The following CNTNAP2 variants were observed in gnomAD, a reference collection of about 807,000 sequenced individuals.
CNTNAP2 encodes the protein contactin-associated protein-like 2.
A neutral mutation model predicts 155.2 loss-of-function variants in CNTNAP2; 98 were observed. The ratio of observed to expected loss-of-function variants is 0.63; its 90% CI spans 0.54 to 0.75. The LOEUF is 0.75. Ranked by LOEUF, CNTNAP2 falls within the 30% of genes least tolerant of loss-of-function variation. CNTNAP2 has a pLI of 0.00. For synonymous variants in CNTNAP2, 651 were observed against 631.2 expected (o/e 1.03, Z -0.47); for missense variants, 1,727 against 1,688.1 (o/e 1.02, Z -0.40).
At chr7:147,841,503 A>G (rs1038752995) in intron 13 of CNTNAP2, among the ~76,000 whole-genome samples, 1 of 152,208 alleles carries the variant, frequency 6.6e-6, no homozygotes, top group Admixed American at 6.5e-5. Context: ...TGCAAAGGCA[A>G]TTAACAATTT....
chr7:147,713,276 G>T (rs574185705), intron 13 of CNTNAP2, among the ~76,000 whole-genome samples: 1 of 152,038 alleles, frequency 6.6e-6, no homozygotes, highest in South Asian at 2.1e-4. Context: ...ACAATTAAGG[G>T]ATAGAACAGT....
At chr7:147,115,661 T>C (rs1000514364) in intron 5 of CNTNAP2, among the ~76,000 whole-genome samples, 14 of 152,142 alleles carry the variant, frequency 9.2e-5, no homozygotes, top group African/African-American at 1.9e-4. Flanking sequence ...AGCTCTAACA[T>C]GTCAATTATA....
intron 8 of CNTNAP2, among the ~76,000 whole-genome samples, chr7:147,136,636 A>G (rs1801486341): frequency 6.6e-6 from 1 of 151,966 alleles, no homozygotes; most frequent in African/African-American, 2.4e-5. Context: ...GGCAGTGTCT[A>G]TTCTAAGCAA....
chr7:147,363,763 G>A (rs1268066275), intron 9 of CNTNAP2, among the ~76,000 whole-genome samples: 1 of 152,004 alleles, frequency 6.6e-6, no homozygotes, highest in Non-Finnish European at 1.5e-5. Context: ...TACAAAAAAA[G>A]TAATTATGCC....
chr7:147,731,611 G>A (rs961753539), intron 13 of CNTNAP2, among the ~76,000 whole-genome samples: 5 of 152,068 alleles, frequency 3.3e-5, no homozygotes, highest in Non-Finnish European at 5.9e-5. Flanking sequence ...CTAACACAAC[G>A]TCTATTCTGA....
At chr7:147,255,820 C>T (rs1020706276) in intron 8 of CNTNAP2, among the ~76,000 whole-genome samples, 4 of 152,124 alleles carry the variant, frequency 2.6e-5, no homozygotes, top group Non-Finnish European at 5.9e-5. Context: ...TCACTGCAAC[C>T]TCTGCTTTCT....
chr7:146,367,808 G>T (rs1240031862), intron 1 of CNTNAP2, among the ~76,000 whole-genome samples: 1 of 151,928 alleles, frequency 6.6e-6, no homozygotes, highest in Non-Finnish European at 1.5e-5. Context: ...TATGCATCTA[G>T]ATGACTATTT....
chr7:148,124,674 G>T (rs1260000295), intron 16 of CNTNAP2, among the ~76,000 whole-genome samples: 1 of 152,138 alleles, frequency 6.6e-6, no homozygotes, highest in African/African-American at 2.4e-5. Context: ...GCTTTTGTAG[G>T]TTATTAACTT....
chr7:148,029,969 A>T lies in CNTNAP2; in HGVS notation c.2383+51980A>T, dbSNP rs529091703. ...TTTAAAATTATTTTTACATCCTAGA[A>T]TCAATGTCTTCTTAATATCATACTC... On this transcript the variant is annotated intron_variant, in intron 15 of 23. Coordinates refer to ENST00000361727, the MANE Select transcript of CNTNAP2 (RefSeq NM_014141.6). 4.6e-5 allele frequency among the ~76,000 whole-genome samples: 7 copies of T among 152,346 alleles called. No homozygotes were observed. The East Asian group carries it at 7.7e-4, about 17-fold the overall frequency.
intron 4 of CNTNAP2, among the ~76,000 whole-genome samples, chr7:147,063,501 C>A (rs1387866912): frequency 1.3e-5 from 2 of 152,038 alleles, no homozygotes; most frequent in Non-Finnish European, 2.9e-5. Context: ...TAACAGCAAT[C>A]TCAGTTTTTT....
At chr7:148,413,884 GATT>G (rs1799912832) in intron 23 of CNTNAP2, among the ~76,000 whole-genome samples, 1 of 151,966 alleles carries the variant, frequency 6.6e-6, no homozygotes. Flanking sequence ...TCCAGCTTAT[GATT>G]ATTGTTTGCA....
chr7:147,923,637 C>T (rs12113566), intron 14 of CNTNAP2, among the ~76,000 whole-genome samples: 3,929 of 151,462 alleles, frequency 0.026, 175 homozygotes, highest in African/African-American at 0.09. Context: ...CCTCAGCCTC[C>T]GAAGTAGCTA....
intron 2 of CNTNAP2, among the ~76,000 whole-genome samples, chr7:146,797,085 A>G (rs1029816654): frequency 2.0e-5 from 3 of 152,134 alleles, no homozygotes; most frequent in Non-Finnish European, 2.9e-5. Context: ...GCAGTGAGCC[A>G]AGATCGCGCT....
chr7:146,179,899 G>A (rs879741148), intron 1 of CNTNAP2, among the ~76,000 whole-genome samples: 13 of 152,150 alleles, frequency 8.5e-5, no homozygotes, highest in East Asian at 3.9e-4. Flanking sequence ...TGTTGGATAC[G>A]TTGCCGAATT....
intron 13 of CNTNAP2, among the ~76,000 whole-genome samples, chr7:147,750,411 G>T (rs1486082074): frequency 6.6e-6 from 1 of 151,958 alleles, no homozygotes; most frequent in Admixed American, 6.6e-5. Flanking sequence ...GAGAACATTG[G>T]GTGGTTTTTG....
chr7:146,642,606 C>T (rs1799731562), intron 1 of CNTNAP2, among the ~76,000 whole-genome samples: 1 of 151,442 alleles, frequency 6.6e-6, no homozygotes, highest in Non-Finnish European at 1.5e-5. Flanking sequence ...GTGAATAGTG[C>T]CGCAATAAAC....
chr7:147,593,391 G>A (rs1800775038), intron 12 of CNTNAP2, among the ~76,000 whole-genome samples: 1 of 151,290 alleles, frequency 6.6e-6, no homozygotes, highest in Non-Finnish European at 1.5e-5. Context: ...CTTCCTCTGG[G>A]AAACCTAGGA....
At chr7:147,673,689 G>A (rs905896608) in intron 13 of CNTNAP2, among the ~76,000 whole-genome samples, 6 of 152,104 alleles carry the variant, frequency 3.9e-5, no homozygotes, top group Non-Finnish European at 2.9e-5. Flanking sequence ...ATAGTTCTGG[G>A]GAGTGAATGG....
chr7:146,482,557 A>G (rs1796978348), intron 1 of CNTNAP2, among the ~76,000 whole-genome samples: 1 of 151,946 alleles, frequency 6.6e-6, no homozygotes, highest in Non-Finnish European at 1.5e-5. Context: ...ATCCTGGCCA[A>G]CATGGTGAAA....
Sources: gnomAD v4.1 joint callset for allele counts (sites outside exome capture counted in the v4.1 genomes callset) on GRCh38, gnomAD v4.1.1 for gene constraint, MANE v1.5 for transcripts, NCBI Gene and HGNC (gene_info 2026-07-23, HGNC 2026-07-21) for gene names.